The following HERC3 variants were observed in gnomAD, a reference collection of about 807,000 sequenced individuals.
The protein encoded by HERC3 is HECT and RLD domain containing E3 ubiquitin protein ligase 3.
Under a neutral mutation model 129.9 loss-of-function variants are expected in HERC3, and 58 were observed. That is an observed-to-expected ratio of 0.45 (90% CI 0.36 to 0.56). The LOEUF (loss-of-function observed/expected upper bound fraction) is 0.56, where lower values mean the gene tolerates loss of function less well. Among genes scored for constraint, HERC3 ranks in the 20% least tolerant of loss-of-function variants. The pLI is 0.00. For missense variants in HERC3, 835 were observed against 1,244.2 expected (o/e 0.67, Z 4.95); for synonymous variants, 430 against 451.0 (o/e 0.95, Z 0.59).
chr4:88,545,243 T>C, the HERC3 span, among the ~76,000 whole-genome samples: 1 of 152,082 alleles, frequency 6.6e-6, no homozygotes, highest in Non-Finnish European at 1.5e-5. Flanking sequence ...GCCATAAATA[T>C]ATGCACCTAC....
intron 18 of HERC3, among the ~76,000 whole-genome samples, chr4:88,677,591 T>G (rs543769602): frequency 6.6e-6 from 1 of 152,178 alleles, no homozygotes; most frequent in Non-Finnish European, 1.5e-5. Context: ...AAAGAATAAC[T>G]CTTTTTAACA....
chr4:88,573,966 T>C, the HERC3 span, among the ~76,000 whole-genome samples: 1 of 152,204 alleles, frequency 6.6e-6, no homozygotes, highest in East Asian at 1.9e-4. Flanking sequence ...AAAGTAGAAC[T>C]AAAACCCTTC....
intron 23 of HERC3, among the ~76,000 whole-genome samples, chr4:88,698,810 T>G (rs74797397): frequency 0.11 from 11,901 of 107,000 alleles, 687 homozygotes; most frequent in East Asian, 0.25. Flanking sequence ...CTTCCCCGCC[T>G]TCTTCCCCAC....
chr4:88,680,373 A>G (rs910646922), intron 20 of HERC3, 137 bp downstream of exon 20: 2 of 610,670 alleles, frequency 3.3e-6, no homozygotes, highest in Non-Finnish European at 5.1e-6. Flanking sequence ...TAAGTAATTA[A>G]AATGTTTATC....
At chr4:88,667,511 T>C in intron 13 of HERC3, 23 bp downstream of exon 13, 2 of 1,327,312 alleles carry the variant, frequency 1.5e-6, no homozygotes, top group Non-Finnish European at 2.1e-6. Context: ...ATTTGTAAAG[T>C]GCATTCTTAA....
upstream of HERC3, among the ~76,000 whole-genome samples, chr4:88,591,868 C>G (rs953397179): frequency 6.6e-6 from 1 of 152,054 alleles, no homozygotes; most frequent in African/African-American, 2.4e-5. Flanking sequence ...CCTCCAGCCT[C>G]CCCCAGGCCC....
intron 23 of HERC3, among the ~76,000 whole-genome samples, chr4:88,692,585 A>G (rs1446206851): frequency 6.6e-6 from 1 of 152,200 alleles, no homozygotes; most frequent in Non-Finnish European, 1.5e-5. Flanking sequence ...TAAGATCTGC[A>G]TTGTATTTGC....
At chr4:88,524,878 A>T in the HERC3 span, 2 of 151,894 alleles carry the variant, frequency 1.3e-5, no homozygotes, top group Non-Finnish European at 2.9e-5. Context: ...ATCATTTCAC[A>T]CTTTGAGTTC....
the HERC3 span, among the ~76,000 whole-genome samples, chr4:88,579,230 A>ATATAT: frequency 3.0e-5 from 3 of 98,692 alleles, no homozygotes; most frequent in African/African-American, 1.8e-4. Flanking sequence ...AAAAAAAAAA[A>ATATAT]AAATATATAT....
At chr4:88,679,229 G>GT (rs1732492144) in intron 19 of HERC3, among the ~76,000 whole-genome samples, 1 of 152,126 alleles carries the variant, frequency 6.6e-6, no homozygotes, top group South Asian at 2.1e-4. Context: ...TGCTGTAGTT[G>GT]TTACTGTTGA....
rs755270003 is a variant in HERC3, at chr4:88,678,091, A to G, written c.2153A>G (p.Glu718Gly). 1 of 1,613,988 alleles carries G rather than the reference A, an allele frequency of 6.2e-7. No individual in the cohort carries two copies. The highest frequency in any genetic ancestry group is 1.7e-5 in the Admixed American group (1 of 60,016). ...RNNLVGDALR[E>G]LSIHSDIDLK... Reference sequence around the variant, plus strand: ...AACCTTGTTGGAGATGCCCTAAGAGAGCTGAGCATTCATTCTGATATTGAT... The same window carrying G: ...AACCTTGTTGGAGATGCCCTAAGAGGGCTGAGCATTCATTCTGATATTGAT... Residue 718 changes from glutamate to glycine, a missense_variant, in exon 19 of 26, where the codon GAG (glutamate) becomes GGG (glycine). Glu to Gly is a moderately conservative substitution (Grantham distance 98). Coordinates refer to ENST00000402738, the MANE Select transcript of HERC3 (RefSeq NM_014606.3).
the HERC3 span, among the ~76,000 whole-genome samples, chr4:88,542,614 G>A: frequency 2.0e-5 from 3 of 152,140 alleles, no homozygotes; most frequent in Non-Finnish European, 4.4e-5. Context: ...TGATACCAAA[G>A]CATGGCAGAG....
At chr4:88,615,592 C>G (rs1724816058) in intron 3 of HERC3, among the ~76,000 whole-genome samples, 1 of 152,034 alleles carries the variant, frequency 6.6e-6, no homozygotes, top group African/African-American at 2.4e-5. Context: ...TGAATAAGAG[C>G]ATGGACTAGC....
rs145397948 is a variant in HERC3, at chr4:88,692,523, G to A, written c.2657+5224G>A. Among the ~76,000 whole-genome samples, 273 of 152,172 alleles carry A rather than the reference G, an allele frequency of 1.8e-3. 1 individual carries two copies. The highest frequency in any genetic ancestry group is 0.01 in the Middle Eastern group (3 of 294). ...GCTCCTTAAGATCTACTTCAGGACC[G>A]CTGGCAGACTTCAGTTGATCTTTCA... On this transcript the variant is annotated intron_variant, in intron 23 of 25. Coordinates refer to ENST00000402738, the MANE Select transcript of HERC3 (RefSeq NM_014606.3).
In HERC3 at chr4:88,655,163, T is replaced by C. The variant is rs750675131; in HGVS notation, c.778-11T>C. On this transcript the variant is annotated splice_polypyrimidine_tract_variant and intron_variant, in intron 7 of 25. Transcript: ENST00000402738. ...ATACAGTGAAGTCCTATGGTGTTTG[T>C]TCCTTGTTAGAGTGGAGGTGTGTTT... 2.5e-6 allele frequency: 4 copies of C among 1,613,544 alleles called. No homozygotes were observed. In the African/African-American group the frequency reaches 4.0e-5, roughly 16 times the overall value.
At chr4:88,556,810 A>ATT in the HERC3 span, among the ~76,000 whole-genome samples, 5 of 145,440 alleles carry the variant, frequency 3.4e-5, no homozygotes, top group Non-Finnish European at 7.7e-5. Context: ...AGCCCTTTCT[A>ATT]TTTTTTTTTT....
At chr4:88,550,841 A>G in the HERC3 span, among the ~76,000 whole-genome samples, 2 of 152,056 alleles carry the variant, frequency 1.3e-5, no homozygotes, top group East Asian at 1.9e-4. Context: ...ATCCTAAGCC[A>G]AAAGAACAAA....
At chr4:88,558,910 G>T in the HERC3 span, among the ~76,000 whole-genome samples, 2 of 150,490 alleles carry the variant, frequency 1.3e-5, no homozygotes, top group Admixed American at 6.6e-5. Context: ...GGAGCTTGCA[G>T]TGAGCCGAGA....
At position 88,681,259 on chromosome 4, in the gene HERC3, A is replaced by G; in HGVS notation, c.2441A>G (p.Tyr814Cys). 2 of 1,614,054 alleles carry G rather than the reference A, an allele frequency of 1.2e-6. No homozygotes were observed. The highest frequency in any genetic ancestry group is 1.7e-6 in the Non-Finnish European group (2 of 1,179,942). ...VVDLHFPLAL[Y>C]KKLLNVKPGL... ...GATCTCCACTTCCCATTGGCTCTCT[A>G]CAAGAAGTTACTCAATGTAAAGCCT... Residue 814 changes from tyrosine to cysteine, a missense_variant, in exon 21 of 26, where the codon TAC becomes TGC. Tyr to Cys is a radical substitution (Grantham distance 194). Coordinates refer to ENST00000402738, the MANE Select transcript of HERC3 (RefSeq NM_014606.3).
Sources: gnomAD v4.1 joint callset for allele counts (sites outside exome capture counted in the v4.1 genomes callset) on GRCh38, gnomAD v4.1.1 for gene constraint, MANE v1.5 for transcripts, NCBI Gene and HGNC (gene_info 2026-07-23, HGNC 2026-07-21) for gene names.